The following CCP110 variants were observed in gnomAD, a reference collection of about 807,000 sequenced individuals.
CCP110 encodes centriolar coiled-coil protein of 110 kDa.
A neutral mutation model predicts 105.5 loss-of-function variants in CCP110; 43 were observed. The ratio of observed to expected loss-of-function variants is 0.41; its 90% CI spans 0.32 to 0.53. The LOEUF (loss-of-function observed/expected upper bound fraction) is 0.53, where lower values mean the gene tolerates loss of function less well. CCP110 is among the 20% of genes least tolerant of loss of function. CCP110 has a pLI of 0.32. For missense variants in CCP110, 1,016 were observed against 1,189.1 expected (o/e 0.85, Z 2.14); for synonymous variants, 353 against 392.1 (o/e 0.90, Z 1.18).
At chr16:19,536,709 T>A (rs973802149) in exon 4 of CCP110, 1 of 1,614,224 alleles carries the variant, frequency 6.2e-7, no homozygotes, top group Admixed American at 1.7e-5. Flanking sequence ...ATTCCCACTT[T>A]TGTTACCGAA....
intron 2 of CCP110, among the ~76,000 whole-genome samples, chr16:19,529,217 G>A (rs77096888): frequency 0.034 from 5,189 of 152,252 alleles, 162 homozygotes; most frequent in Non-Finnish European, 0.047. Flanking sequence ...AGTGGTGAGA[G>A]AATATAGGAT....
intron 2 of CCP110, among the ~76,000 whole-genome samples, chr16:19,530,032 A>C (rs996485082): frequency 6.6e-6 from 1 of 151,842 alleles, no homozygotes; most frequent in African/African-American, 2.4e-5. Flanking sequence ...TCTCATCCCT[A>C]CAAAAAATAC....
At chr16:19,527,795 C>G in intron 1 of CCP110, 72 bp from the exon 2 acceptor site, 1 of 1,298,218 alleles carries the variant, frequency 7.7e-7, no homozygotes. Flanking sequence ...CTCTCATGCT[C>G]TACAAAATCT....
intron 8 of CCP110, 115 bp from the exon 9 acceptor site, chr16:19,544,682 C>T (rs1488269974): frequency 1.8e-5 from 12 of 651,452 alleles, no homozygotes; most frequent in Non-Finnish European, 3.0e-5. Context: ...CAGTCCCCCA[C>T]AGATACTGAC....
At chr16:19,530,638 G>A (rs1294542357) in intron 2 of CCP110, among the ~76,000 whole-genome samples, 2 of 150,818 alleles carry the variant, frequency 1.3e-5, no homozygotes, top group Admixed American at 1.3e-4. Context: ...AGCCGAGATC[G>A]AGCCACTGCA....
chr16:19,528,786 C>T (rs989791790), intron 2 of CCP110, among the ~76,000 whole-genome samples: 1 of 152,152 alleles, frequency 6.6e-6, no homozygotes, highest in African/African-American at 2.4e-5. Context: ...GTAGTCCCAG[C>T]TCTTCAAAGG....
At chr16:19,541,580 C>T (rs917062056) in intron 5 of CCP110, among the ~76,000 whole-genome samples, 9 of 151,214 alleles carry the variant, frequency 6.0e-5, no homozygotes, top group South Asian at 2.1e-4. Context: ...GAACCGAGAT[C>T]GTGCCACTGC....
At position 19,538,302 on chromosome 16, in the gene CCP110, C is replaced by CTTTTTTTTTTTTTTTTTTTTTTT. The variant is rs1164690143; in HGVS notation, c.1918+721_1918+743dup. On this transcript the variant is annotated intron_variant, in intron 4 of 14. Transcript: ENST00000381396. The stretch of plus-strand genomic sequence containing the variant: ...ATATTAATAATTGGAGGAAACAGTT[C>CTTTTTTTTTTTTTTTTTTTTTTT]TTTTTTTTTTTTTTTTTTTTTTTTT... 3.6e-5 allele frequency among the ~76,000 whole-genome samples: 2 copies of CTTTTTTTTTTTTTTTTTTTTTTT among 55,246 alleles called. 1 individual carries two copies. The highest frequency in any genetic ancestry group is 1.8e-4 in the African/African-American group (2 of 11,078). 36.2% of individuals were successfully genotyped at this position (55,246 alleles called of 152,430 possible). A position where few individuals can be genotyped will look rare whatever the true frequency, so the allele number is the denominator to read the frequency against.
exon 15 of CCP110, chr16:19,552,994 T>C (rs541003180): frequency 6.6e-6 from 1 of 152,376 alleles, no homozygotes; most frequent in African/African-American, 2.4e-5. Context: ...AACTGTGCTT[T>C]ATCATTCTGA....
chr16:19,550,913 G>C (rs947221980), intron 14 of CCP110, among the ~76,000 whole-genome samples: 1 of 152,146 alleles, frequency 6.6e-6, no homozygotes, highest in African/African-American at 2.4e-5. Context: ...AGTAGGAGGT[G>C]GTCATGCAAA....
At chr16:19,544,608 A>T (rs1400083455) in intron 8 of CCP110, among the ~76,000 whole-genome samples, 189 bp from the exon 9 acceptor site, 1 of 152,202 alleles carries the variant, frequency 6.6e-6, no homozygotes, top group South Asian at 2.1e-4. Context: ...TTATATGCAG[A>T]TAACTATTTT....
chr16:19,528,157 G>C lies in CCP110; in HGVS notation c.141+135G>C, dbSNP rs533665890. ...GAATTAGAGAAATACAAATGAATTA[G>C]CATTTTTTACTTACTATTATAGATT... On this transcript the variant is annotated intron_variant, in intron 2 of 14. Coordinates refer to ENST00000381396, the Ensembl canonical transcript of CCP110. 7.1e-6 allele frequency: 5 copies of C among 704,140 alleles called. No homozygotes were observed. The South Asian group carries it at 7.5e-5, about 11-fold the overall frequency. The allele number at this position is 704,140 out of a possible 1,614,324, so 43.6% of individuals were successfully genotyped here.
chr16:19,552,080 CAT>C (rs1970658155), exon 15 of CCP110: 1 of 152,130 alleles, frequency 6.6e-6, no homozygotes, highest in Non-Finnish European at 1.5e-5. Context: ...TTTTGTTCTT[CAT>C]AGTCTGTTTT....
intron 2 of CCP110, among the ~76,000 whole-genome samples, chr16:19,528,580 A>C (rs1358678300): frequency 6.6e-6 from 1 of 152,166 alleles, no homozygotes; most frequent in Non-Finnish European, 1.5e-5. Flanking sequence ...TGTCAGGGGC[A>C]GTATAGAGTC....
chr16:19,542,925 G>A (rs1285724583), exon 8 of CCP110: 2 of 1,613,444 alleles, frequency 1.2e-6, no homozygotes, highest in South Asian at 2.2e-5. Context: ...TAACTGCAGT[G>A]GCAAAAGGAT....
exon 6 of CCP110, chr16:19,542,015 A>G: frequency 6.2e-7 from 1 of 1,609,962 alleles, no homozygotes; most frequent in Non-Finnish European, 8.5e-7. Flanking sequence ...TGCTGGAAAC[A>G]ATGCTGTCTC....
intron 8 of CCP110, among the ~76,000 whole-genome samples, chr16:19,544,187 C>T (rs1332021176): frequency 6.6e-6 from 1 of 152,176 alleles, no homozygotes; most frequent in Non-Finnish European, 1.5e-5. Context: ...CTGGCTGACA[C>T]TTATGAAAAA....
At chr16:19,525,696 AT>A (rs1438402440) in intron 1 of CCP110, 4 of 152,134 alleles carry the variant, frequency 2.6e-5, no homozygotes, top group Non-Finnish European at 4.4e-5. Flanking sequence ...ATTCTTATTC[AT>A]TTATTCAATA....
chr16:19,535,711 T>C (rs1970028141), intron 3 of CCP110, among the ~76,000 whole-genome samples: 1 of 152,106 alleles, frequency 6.6e-6, no homozygotes. Flanking sequence ...TATAACTCTT[T>C]TATAACTCTT....
Sources: allele counts gnomAD v4.1 joint callset (sites outside exome capture counted in the v4.1 genomes callset), GRCh38; gene constraint gnomAD v4.1.1; transcripts MANE v1.5; gene names NCBI Gene and HGNC (gene_info 2026-07-23, HGNC 2026-07-21).